The following TTN variants were observed in gnomAD, a reference collection of about 807,000 sequenced individuals.
TTN encodes the protein titin.
In TTN, 1,525 loss-of-function variants were observed where a neutral mutation model predicts 3,223.0. The observed-to-expected ratio is 0.47, with a 90% CI of 0.45 to 0.49. The LOEUF (loss-of-function observed/expected upper bound fraction) is 0.49, where lower values mean the gene tolerates loss of function less well. Ranked by LOEUF, TTN falls within the 20% of genes least tolerant of loss-of-function variation. The pLI is 0.00. For synonymous variants in TTN, 14,094 were observed against 15,161.0 expected (o/e 0.93, Z 5.17); for missense variants, 40,786 against 43,424.0 (o/e 0.94, Z 5.40).
intron 88 of TTN, among the ~76,000 whole-genome samples, chr2:178,716,518 AT>A (rs1214804244): frequency 6.6e-6 from 1 of 152,202 alleles, no homozygotes; most frequent in Non-Finnish European, 1.5e-5. Context: ...GAACTATTTA[AT>A]TTCTGACAGT....
At chr2:178,626,285 A>G (rs904017354) in intron 240 of TTN, among the ~76,000 whole-genome samples, 14 of 152,004 alleles carry the variant, frequency 9.2e-5, no homozygotes, top group African/African-American at 3.4e-4. Context: ...CAAAACTGCA[A>G]ATGAAAGTTG....
In TTN at chr2:178,796,196, TGTAAG is replaced by T. The variant is rs142806719; in HGVS notation, c.915-949_915-945del. 2.3e-3 allele frequency among the ~76,000 whole-genome samples: 344 copies of T among 152,306 alleles called. 4 individuals carry two copies. The highest frequency in any genetic ancestry group is 7.5e-3 in the African/African-American group (313 of 41,580). ...ATAATTCTGGGGATTGGCCAACTAT[TGTAAG>T]GTAAAATTTTTTTCAGAACTGATTT... On this transcript the variant is annotated intron_variant, in intron 6 of 362. Transcript: ENST00000589042.
Position 178,621,955 on chromosome 2 carries a change from G to C in TTN, c.44967C>G (p.Ile14989Met). The C allele has an allele frequency of 6.2e-7, 1 of 1,611,378 alleles. No homozygotes were observed. Among genetic ancestry groups the C allele is most frequent in the Non-Finnish European group, 8.5e-7 (1 of 1,178,668 alleles). ...AEIKKGKKYD[I>M]ISKGAVRILV... ...GAATGCGCACTGCTCCCTTGGATAT[G>C]ATGTCATATTTTTTGCCCTTTTTAA... Residue 14989 changes from isoleucine (I) to methionine (M), a missense_variant, in exon 244 of 363, where the codon ATC (isoleucine) becomes ATG (methionine). Ile to Met is a conservative substitution (Grantham distance 10). Coordinates refer to ENST00000589042, the MANE Select transcript of TTN (RefSeq NM_001267550.2).
In TTN at chr2:178,605,320, C is replaced by A. The variant is rs2303833; in HGVS notation, c.53882-25G>T. On this transcript the variant is annotated intron_variant, in intron 279 of 362. Coordinates refer to ENST00000589042, the MANE Select transcript of TTN (RefSeq NM_001267550.2). Reference sequence around the variant, plus strand: ...ACTGCAAAGAGAAGAGAAAGAAAAACAGTAACAAAGTCATAAGGATGTTTT... The same window carrying A: ...ACTGCAAAGAGAAGAGAAAGAAAAAAAGTAACAAAGTCATAAGGATGTTTT... 37,703 of 1,541,580 alleles carry A rather than the reference C, an allele frequency of 0.024. 1,258 individuals carry two copies. Among genetic ancestry groups the A allele is most frequent in the East Asian group, 0.13 (5,880 of 43,734 alleles).
rs372061666 is a variant in TTN at position 178,571,212 on chromosome 2, C to T, written c.74920G>A (p.Glu24974Lys). The change falls in exon 326 of 363, where the codon GAA (glutamate) becomes AAA (lysine). Residue 24974 changes from glutamate to lysine, a missense_variant. By Grantham distance (56) the Glu-to-Lys change is moderately conservative. Coordinates refer to ENST00000589042, the MANE Select transcript of TTN (RefSeq NM_001267550.2). ...PQTKFKTTGL[E>K]EGVEYEFRVS... The stretch of plus-strand genomic sequence containing the variant: ...CTAAATTCATATTCAACACCTTCTT[C>T]AAGGCCAGTTGTCTTAAACTTGGTT... The T allele has an allele frequency of 1.2e-6, 2 of 1,613,438 alleles. No individual in the cohort carries two copies. The highest frequency in any genetic ancestry group is 1.7e-6 in the Non-Finnish European group (2 of 1,179,636).
chr2:178,749,795 T>C (rs762939059), intron 47 of TTN: 12 of 1,613,028 alleles, frequency 7.4e-6, no homozygotes. Context: ...AAACTTCTGG[T>C]TCTGCTTTAA....
chr2:178,551,991 G>A lies in TTN; in HGVS notation c.90909C>T (p.Asn30303=). ...AEYQFRVRAE[N]RYGVSQPLVS... Reference sequence around the variant, plus strand: ...CAAGTGGTTGGCTGACTCCGTATCTGTTTTCTGCTCTCACTCTAAACTGGT... The same window carrying A: ...CAAGTGGTTGGCTGACTCCGTATCTATTTTCTGCTCTCACTCTAAACTGGT... The change falls in exon 335 of 363, where the codon AAC becomes AAT. Residue 30303 remains asparagine (N), a synonymous_variant. Transcript: ENST00000589042. The A allele has an allele frequency of 6.2e-7, 1 of 1,611,866 alleles. No homozygotes were observed. Among genetic ancestry groups the A allele is most frequent in the South Asian group, 1.1e-5 (1 of 90,982 alleles).
chr2:178,641,372 T>A (rs1307038056), intron 219 of TTN, 57 bp from the exon 220 acceptor site: 10 of 1,032,480 alleles, frequency 9.7e-6, no homozygotes, highest in Non-Finnish European at 1.3e-5. Flanking sequence ...AGATGTTGAA[T>A]AAGCTTGACA....
At chr2:178,766,300 A>C in intron 41 of TTN, 81 bp downstream of exon 41, 1 of 1,165,160 alleles carries the variant, frequency 8.6e-7, no homozygotes, top group Non-Finnish European at 1.3e-6. Context: ...ATTTCCTTCA[A>C]GTTACAAGAA....
Position 178,546,279 on chromosome 2 carries a change from T to G in TTN, c.95052A>C (p.Gly31684=). The change falls in exon 342 of 363, where the codon GGA becomes GGC. Residue 31684 remains glycine, a synonymous_variant. Transcript: ENST00000589042. ...CATTTTTCACTGTTAAAGTGTATTT[T>G]CCACTGTCACTTCTGTCACAGAACT... ...VIKFCDRSDS[G]KYTLTVKNAS... 6.2e-7 allele frequency: 1 copy of G among 1,613,838 alleles called. No individual in the cohort carries two copies.
rs532274400 is a variant in TTN, at chr2:178,561,602, A to G, written c.84530T>C (p.Val28177Ala). 2 of 1,613,014 alleles carry G rather than the reference A, an allele frequency of 1.2e-6. No individual in the cohort carries two copies. Among genetic ancestry groups the G allele is most frequent in the South Asian group, 1.1e-5 (1 of 90,994 alleles). Residue 28177 changes from valine (V) to alanine (A), a missense_variant, in exon 326 of 363, where the codon GTG becomes GCG. Transcript: ENST00000589042. ...TKSTMLVTWQ[V>A]PVNDGGSRVI... ...TCGACTTCCTCCATCATTAACTGGC[A>G]CTTGCCAGGTTACAAGCATGGTAGA...
At chr2:178,674,528 T>TA (rs2067632094) in intron 150 of TTN, 119 bp from the exon 151 acceptor site, 5 of 520,688 alleles carry the variant, frequency 9.6e-6, no homozygotes, top group East Asian at 3.2e-5. Context: ...CACTAGTCCT[T>TA]AAAAAATCTC....
intron 24 of TTN, 75 bp downstream of exon 24, chr2:178,778,799 A>C (rs1200933990): frequency 6.2e-7 from 1 of 1,601,206 alleles, no homozygotes; most frequent in Non-Finnish European, 8.5e-7. Context: ...CTTCTTACAC[A>C]ATAGCAATTT....
In TTN at chr2:178,637,382, T is replaced by C; in HGVS notation, c.40914A>G (p.Lys13638=). Residue 13638 remains lysine (K), a synonymous_variant, in exon 224 of 363, where the codon AAA becomes AAG. Transcript: ENST00000589042. ...AATGAATTTCACCTTTGATAGGACCTTTTGGCTTGGCAGCCTCTTCCTTAG... is the reference window on the plus strand; with the variant it reads ...AATGAATTTCACCTTTGATAGGACCCTTTGGCTTGGCAGCCTCTTCCTTAG... ...KAPKEEAAKP[K]GPIKGVPKKT... The C allele has an allele frequency of 6.8e-7, 1 of 1,476,258 alleles. No individual in the cohort carries two copies. Among genetic ancestry groups the C allele is most frequent in the South Asian group, 1.5e-5 (1 of 65,238 alleles). The allele number at this position is 1,476,258 out of a possible 1,614,324, so 91.4% of individuals were successfully genotyped here. A position where few individuals can be genotyped will look rare whatever the true frequency, so the allele number is the denominator to read the frequency against.
Position 178,574,872 on chromosome 2 carries a change from C to T in TTN, c.71260G>A (p.Asp23754Asn), listed in dbSNP as rs985842925. ...TAGTTGCTTATTGGTACACCACCAT[C>T]GTTCTCAGGTGGGTCCCAAGAGAAG... is the stretch of plus-strand genomic sequence containing the variant. ...VTFSWDPPEN[D>N]GGVPISNYVV... The change falls in exon 326 of 363, where the codon GAT becomes AAT. Residue 23754 changes from aspartate to asparagine, a missense_variant. By Grantham distance (23) the Asp-to-Asn change is conservative. Coordinates refer to ENST00000589042, the MANE Select transcript of TTN (RefSeq NM_001267550.2). 1.8e-5 allele frequency: 29 copies of T among 1,612,838 alleles called. No homozygotes were observed. The highest frequency in any genetic ancestry group is 1.2e-4 in the African/African-American group (9 of 74,884).
rs1267891030 is a variant in TTN, at chr2:178,591,896, T to A, written c.59927-4A>T. 3 of 1,605,976 alleles carry A rather than the reference T, an allele frequency of 1.9e-6. No individual in the cohort carries two copies. Among genetic ancestry groups the A allele is most frequent in the Non-Finnish European group, 8.5e-7 (1 of 1,177,744 alleles). On this transcript the variant is annotated splice_polypyrimidine_tract_variant and splice_region_variant and intron_variant, in intron 302 of 362. Transcript: ENST00000589042. ...TCCTTGGGTGGCCCTGGGGGATCTT[T>A]TCAAAGAAGAAGTTATGATGAAAAA...
At position 178,637,422 on chromosome 2, in the gene TTN, G is replaced by T. The variant is rs746615904; in HGVS notation, c.40877-3C>A. ...CTCTTCCTTAGGTGCTTTGGCTTCTGAAATAAAAATAAAACTCAGCATTTA... is the reference window on the plus strand; with the variant it reads ...CTCTTCCTTAGGTGCTTTGGCTTCTTAAATAAAAATAAAACTCAGCATTTA... On this transcript the variant is annotated splice_polypyrimidine_tract_variant and splice_region_variant and intron_variant, in intron 223 of 362. Coordinates refer to ENST00000589042, the MANE Select transcript of TTN (RefSeq NM_001267550.2). 4 of 1,473,738 alleles carry T rather than the reference G, an allele frequency of 2.7e-6. No individual in the cohort carries two copies. The East Asian group carries it at 1.1e-4, about 40-fold the overall frequency. 91.3% of individuals were successfully genotyped at this position (1,473,738 alleles called of 1,614,324 possible). A position where few individuals can be genotyped will look rare whatever the true frequency, so the allele number is the denominator to read the frequency against.
intron 127 of TTN, among the ~76,000 whole-genome samples, chr2:178,686,017 T>C (rs1577402742): frequency 6.6e-6 from 1 of 152,072 alleles, no homozygotes; most frequent in African/African-American, 2.4e-5. Context: ...TAAGATAATA[T>C]TCCATATTGT....
chr2:178,542,939 T>C lies in TTN; in HGVS notation c.96915A>G (p.Thr32305=), dbSNP rs1418791443. ...VTVQDLRVLP[T]IDLSTMPQKT... ...TCTGAGGCATTGTAGAAAGATCGAT[T>C]GTTGGCAACACTATGGGAAAGAAAT... is the stretch of plus-strand genomic sequence containing the variant. Residue 32305 remains threonine (T), a synonymous_variant, in exon 348 of 363, where the codon ACA becomes ACG. Transcript: ENST00000589042. 6.3e-7 allele frequency: 1 copy of C among 1,599,234 alleles called. No individual in the cohort carries two copies. The highest frequency in any genetic ancestry group is 8.5e-7 in the Non-Finnish European group (1 of 1,169,992).
Sources: allele counts gnomAD v4.1 joint callset (sites outside exome capture counted in the v4.1 genomes callset), GRCh38; gene constraint gnomAD v4.1.1; transcripts MANE v1.5; gene names NCBI Gene and HGNC (gene_info 2026-07-23, HGNC 2026-07-21).